Variants in RBFOX1 observed in about 807,000 individuals in gnomAD.
RBFOX1 encodes the protein RNA binding fox-1 homolog 1, also known as RNA binding protein fox-1 homolog 1.
In RBFOX1, 8 loss-of-function variants were observed where a neutral mutation model predicts 57.7. The observed-to-expected ratio is 0.14, with a 90% CI of 0.08 to 0.25. The LOEUF is 0.25. Ranked by LOEUF, RBFOX1 falls within the 10% of genes least tolerant of loss-of-function variation. The probability of loss-of-function intolerance (pLI) is 1.00; values close to 1 mark genes in which losing one functional copy is unlikely to be tolerated. For missense variants in RBFOX1, 611 were observed against 548.5 expected, an observed-to-expected ratio of 1.11 and a Z score of -1.14; for synonymous variants, 326 against 222.4, an observed-to-expected ratio of 1.47 and a Z score of -4.15.
intron 2 of RBFOX1, among the ~76,000 whole-genome samples, chr16:6,540,340 G>A (rs796110815): frequency 2.6e-5 from 4 of 151,042 alleles, no homozygotes; most frequent in African/African-American, 4.9e-5. Context: ...CAGGCCTAGC[G>A]TGGTGGCTCA....
chr16:6,555,059 C>T (rs1027800754), intron 2 of RBFOX1, among the ~76,000 whole-genome samples: 4 of 152,126 alleles, frequency 2.6e-5, no homozygotes, highest in African/African-American at 9.7e-5. Context: ...GAATATTATG[C>T]TAGAAAAATT....
intron 1 of RBFOX1, among the ~76,000 whole-genome samples, chr16:5,415,306 C>CT (rs2067132857): frequency 6.6e-6 from 1 of 152,168 alleles, no homozygotes; most frequent in African/African-American, 2.4e-5. Context: ...AAGTGCCATA[C>CT]TTTAAAACGA....
intron 1 of RBFOX1, among the ~76,000 whole-genome samples, chr16:5,461,710 A>G (rs2151595891): frequency 6.6e-6 from 1 of 152,284 alleles, no homozygotes; most frequent in African/African-American, 2.4e-5. Flanking sequence ...GCAGAACCTA[A>G]TGAAACAGTG....
chr16:7,397,982 G>A (rs2098170280), intron 4 of RBFOX1, among the ~76,000 whole-genome samples: 2 of 152,044 alleles, frequency 1.3e-5, no homozygotes, highest in Admixed American at 1.3e-4. Context: ...AAACCACCAA[G>A]ACATCTAAGC....
chr16:6,060,718 T>C (rs2095674501), intron 1 of RBFOX1, among the ~76,000 whole-genome samples: 1 of 152,144 alleles, frequency 6.6e-6, no homozygotes, highest in Admixed American at 6.5e-5. Flanking sequence ...CTCAGAGCTG[T>C]TTCCCAGGAT....
At chr16:5,381,784 C>G (rs1395129967) in intron 1 of RBFOX1, among the ~76,000 whole-genome samples, 1 of 152,176 alleles carries the variant, frequency 6.6e-6, no homozygotes, top group Non-Finnish European at 1.5e-5. Flanking sequence ...TGGGATGCCC[C>G]CTTATTTGAC....
intron 2 of RBFOX1, among the ~76,000 whole-genome samples, chr16:6,617,659 G>C (rs911242895): frequency 3.9e-5 from 6 of 152,114 alleles, no homozygotes; most frequent in Non-Finnish European, 7.3e-5. Context: ...ATCACAGGCA[G>C]GGTTTTGACT....
chr16:5,397,115 T>A (rs1472945581), intron 1 of RBFOX1, among the ~76,000 whole-genome samples: 1 of 152,206 alleles, frequency 6.6e-6, no homozygotes, highest in African/African-American at 2.4e-5. Context: ...AATCAGCTCA[T>A]CCAAAGGCAG....
intron 3 of RBFOX1, among the ~76,000 whole-genome samples, chr16:5,754,047 G>A (rs2053309853): frequency 6.6e-6 from 1 of 152,104 alleles, no homozygotes; most frequent in African/African-American, 2.4e-5. Context: ...ATGTTAGTAT[G>A]CATGTGTTGA....
intron 2 of RBFOX1, among the ~76,000 whole-genome samples, chr16:6,453,640 T>A (rs1597457941): frequency 6.6e-6 from 1 of 152,126 alleles, no homozygotes; most frequent in South Asian, 2.1e-4. Flanking sequence ...TGAAACTATT[T>A]CCAAACAATA....
intron 3 of RBFOX1, among the ~76,000 whole-genome samples, chr16:6,974,678 G>C (rs1161126295): frequency 1.3e-5 from 2 of 151,970 alleles, no homozygotes; most frequent in African/African-American, 2.4e-5. Flanking sequence ...ATTTCTGGAA[G>C]ACCATCAGGA....
chr16:6,637,845 A>T (rs1272811605), intron 2 of RBFOX1, among the ~76,000 whole-genome samples: 5 of 152,090 alleles, frequency 3.3e-5, no homozygotes, highest in Non-Finnish European at 5.9e-5. Flanking sequence ...ACTGGATTAC[A>T]ATTCTGAAAC....
At chr16:7,433,541 A>G (rs975035189) in intron 4 of RBFOX1, among the ~76,000 whole-genome samples, 1 of 152,252 alleles carries the variant, frequency 6.6e-6, no homozygotes, top group Non-Finnish European at 1.5e-5. Context: ...GAAAGACTGC[A>G]TGGAGGAGGA....
chr16:5,971,073 C>G (rs907339598), intron 4 of RBFOX1, among the ~76,000 whole-genome samples: 5 of 152,214 alleles, frequency 3.3e-5, no homozygotes, highest in African/African-American at 7.2e-5. Context: ...TTCCTGTCCC[C>G]TTTCGATCTT....
chr16:7,361,640 G>C (rs1596444651), intron 4 of RBFOX1, among the ~76,000 whole-genome samples: 1 of 152,316 alleles, frequency 6.6e-6, no homozygotes, highest in East Asian at 1.9e-4. Context: ...CAAACAGGTG[G>C]GAGACAGCAG....
intron 5 of RBFOX1, among the ~76,000 whole-genome samples, chr16:7,545,363 C>T (rs1487589968): frequency 6.6e-6 from 1 of 152,032 alleles, no homozygotes; most frequent in Non-Finnish European, 1.5e-5. Context: ...TGGCCCCTTG[C>T]TCACAGCCAG....
chr16:6,528,872 C>G (rs777590243), intron 2 of RBFOX1, among the ~76,000 whole-genome samples: 1 of 152,108 alleles, frequency 6.6e-6, no homozygotes, highest in African/African-American at 2.4e-5. Context: ...CCAGGCATTC[C>G]CAAATGTCTC....
chr16:7,248,370 C>T (rs562218399), intron 4 of RBFOX1, among the ~76,000 whole-genome samples: 1 of 152,178 alleles, frequency 6.6e-6, no homozygotes, highest in Admixed American at 6.5e-5. Context: ...TAGTAGGATG[C>T]CCTATGTGGG....
intron 3 of RBFOX1, among the ~76,000 whole-genome samples, chr16:6,735,685 A>G (rs1479112499): frequency 6.6e-6 from 1 of 152,188 alleles, no homozygotes; most frequent in Non-Finnish European, 1.5e-5. Context: ...TCAGATCCCT[A>G]GGGTTGCATT....
Sources: allele counts gnomAD v4.1 joint callset (sites outside exome capture counted in the v4.1 genomes callset), GRCh38; gene constraint gnomAD v4.1.1; transcripts MANE v1.5; gene names NCBI Gene and HGNC (gene_info 2026-07-23, HGNC 2026-07-21).